Variants in ATF7IP observed in about 807,000 individuals in gnomAD.
ATF7IP encodes activating transcription factor 7-interacting protein 1.
A neutral mutation model predicts 106.4 loss-of-function variants in ATF7IP; 23 were observed. The observed-to-expected ratio is 0.22, with a 90% CI of 0.16 to 0.31. ATF7IP has a LOEUF of 0.31. Among genes scored for constraint, ATF7IP ranks in the 10% least tolerant of loss-of-function variants. The probability of loss-of-function intolerance (pLI) is 1.00; values close to 1 mark genes in which losing one functional copy is unlikely to be tolerated. For missense variants in ATF7IP, 1,334 were observed against 1,524.3 expected, an observed-to-expected ratio of 0.88 and a Z score of 2.08; for synonymous variants, 542 against 539.0, an observed-to-expected ratio of 1.01 and a Z score of -0.08.
chr12:14,395,351 C>T (rs951681233), intron 1 of ATF7IP: 1 of 151,882 alleles, frequency 6.6e-6, no homozygotes, highest in Non-Finnish European at 1.5e-5. Context: ...GTTTTTAGTT[C>T]TAATGAAAAC....
chr12:14,380,889 G>T (rs551711371), intron 1 of ATF7IP, among the ~76,000 whole-genome samples: 1 of 152,278 alleles, frequency 6.6e-6, no homozygotes, highest in Non-Finnish European at 1.5e-5. Flanking sequence ...CAAAGTGCTG[G>T]GATTACAGGC....
At position 14,424,339 on chromosome 12, in the gene ATF7IP, G is replaced by A. The variant is rs767883210; in HGVS notation, c.424G>A (p.Gly142Arg). 31 of 1,614,010 alleles carry A rather than the reference G, an allele frequency of 1.9e-5. 1 individual carries two copies. In the Admixed American group the frequency reaches 2.2e-4, roughly 11 times the overall value. The change falls in exon 2 of 15, where the codon GGA (glycine) becomes AGA (arginine). Residue 142 changes from glycine to arginine, a missense_variant. Around this residue, in one of 10 missense-constraint regions of ATF7IP, gnomAD observed 438 missense variants for 405.3 expected, o/e 1.08. Transcript: ENST00000261168. Reference protein sequence around the residue: ...GDPAPGDLDAGDPASGVLASG... With the variant: ...GDPAPGDLDARDPASGVLASG... ...TCCAGCCCCTGGTGATCTGGATGCC[G>A]GAGATCCAGCCTCCGGAGTACTGGC...
chr12:14,444,457 T>G (rs929530088), intron 5 of ATF7IP, among the ~76,000 whole-genome samples: 1 of 152,158 alleles, frequency 6.6e-6, no homozygotes, highest in Non-Finnish European at 1.5e-5. Context: ...GTTTGTCTAG[T>G]TTCCCAAATA....
rs754942738 is a variant in ATF7IP at position 14,460,491 on chromosome 12, A to G, written c.2159-4A>G. ...AAACTGAGGCTTCTGTTTTCTTTCT[A>G]TAGTATCTTCAACCAATCTTGTCAC... On this transcript the variant is annotated splice_region_variant and splice_polypyrimidine_tract_variant and intron_variant, in intron 8 of 14. Coordinates refer to ENST00000261168, the MANE Select transcript of ATF7IP (RefSeq NM_018179.5). The G allele has an allele frequency of 4.5e-5, 73 of 1,607,826 alleles. 3 individuals carry two copies. The Middle Eastern group carries it at 6.7e-4, about 15-fold the overall frequency.
chr12:14,437,824 C>T (rs1412452882), intron 4 of ATF7IP, among the ~76,000 whole-genome samples: 4 of 152,028 alleles, frequency 2.6e-5, no homozygotes, highest in South Asian at 4.1e-4. Context: ...GAGGCCGAGG[C>T]GGGCGGATCA....
chr12:14,423,296 A>G (rs1028789045), intron 1 of ATF7IP, among the ~76,000 whole-genome samples: 2 of 152,074 alleles, frequency 1.3e-5, no homozygotes, highest in Non-Finnish European at 2.9e-5. Flanking sequence ...ATAAATATAT[A>G]TTCTGTATTC....
chr12:14,415,328 C>T (rs1351957067), intron 1 of ATF7IP, among the ~76,000 whole-genome samples: 1 of 152,176 alleles, frequency 6.6e-6, no homozygotes, highest in Non-Finnish European at 1.5e-5. Flanking sequence ...TTTAAGGTAT[C>T]TTATGTTTTT....
intron 1 of ATF7IP, among the ~76,000 whole-genome samples, chr12:14,397,607 G>GC (rs1282018375): frequency 1.3e-5 from 2 of 151,928 alleles, no homozygotes; most frequent in African/African-American, 2.4e-5. Flanking sequence ...GCTTCTCATA[G>GC]CCCCCCACTT....
At chr12:14,392,222 A>T (rs1358635752) in intron 1 of ATF7IP, among the ~76,000 whole-genome samples, 1 of 146,048 alleles carries the variant, frequency 6.8e-6, no homozygotes, top group Non-Finnish European at 1.5e-5. Context: ...TTTAGCACAG[A>T]TCTTTTTTTT....
intron 5 of ATF7IP, among the ~76,000 whole-genome samples, chr12:14,439,488 T>C (rs1354890367): frequency 6.6e-6 from 1 of 152,228 alleles, no homozygotes; most frequent in Non-Finnish European, 1.5e-5. Context: ...ATTTTATTCA[T>C]TGTTTCTCAT....
At chr12:14,485,749 A>G (rs897047724) in intron 13 of ATF7IP, among the ~76,000 whole-genome samples, 4 of 152,374 alleles carry the variant, frequency 2.6e-5, no homozygotes, top group South Asian at 2.1e-4. Flanking sequence ...CACACCAGGT[A>G]CTAGGAGATG....
chr12:14,385,951 C>G (rs569133517), intron 1 of ATF7IP, among the ~76,000 whole-genome samples: 27 of 152,190 alleles, frequency 1.8e-4, no homozygotes, highest in African/African-American at 6.3e-4. Flanking sequence ...TGCCTCCTCC[C>G]AGTATCCAAC....
Position 14,460,748 on chromosome 12 carries a change from T to G in ATF7IP, c.2412T>G (p.Thr804=). 6.2e-7 allele frequency: 1 copy of G among 1,614,232 alleles called. No individual in the cohort carries two copies. Among genetic ancestry groups the G allele is most frequent in the Non-Finnish European group, 8.5e-7 (1 of 1,180,022 alleles). The part of the protein sequence containing the change: ...QPQLLQSHPG[T]LVTNQPSGNV... ...AGCTTCTACAGAGCCATCCAGGGAC[T>G]TTGGTGACTAATCAACCATCTGGCA... The change falls in exon 9 of 15, where the codon ACT becomes ACG. Residue 804 remains threonine (T), a synonymous_variant. Coordinates refer to ENST00000261168, the MANE Select transcript of ATF7IP (RefSeq NM_018179.5).
intron 10 of ATF7IP, among the ~76,000 whole-genome samples, chr12:14,471,556 A>G (rs553842926): frequency 1.3e-5 from 2 of 152,224 alleles, no homozygotes; most frequent in African/African-American, 4.8e-5. Context: ...TAACTCTTAA[A>G]GAAAAAAGTT....
At chr12:14,448,694 A>G (rs562066935) in intron 6 of ATF7IP, among the ~76,000 whole-genome samples, 1 of 152,292 alleles carries the variant, frequency 6.6e-6, no homozygotes, top group African/African-American at 2.4e-5. Context: ...ACTAGGTTGT[A>G]TGGTAATACT....
rs569403503 is a variant in ATF7IP at position 14,475,725 on chromosome 12, G to A, written c.2863-165G>A. On this transcript the variant is annotated intron_variant, in intron 10 of 14. Transcript: ENST00000261168. ...TAGATGTTTAACACATGAGTATCCT[G>A]GGACATTTGTCTGACAAACTCTCTT... Among the ~76,000 whole-genome samples the A allele has an allele frequency of 5.9e-5, 9 of 152,176 alleles. No individual in the cohort carries two copies. The South Asian group carries it at 1.9e-3, about 32-fold the overall frequency.
At chr12:14,456,320 TTATTA>T (rs903846875) in intron 6 of ATF7IP, among the ~76,000 whole-genome samples, 4 of 150,664 alleles carry the variant, frequency 2.7e-5, no homozygotes, top group South Asian at 2.1e-4. Flanking sequence ...GATGCAGGAA[TTATTA>T]TATTAATCTC....
At chr12:14,377,441 C>A (rs1938796023) in intron 1 of ATF7IP, among the ~76,000 whole-genome samples, 2 of 151,078 alleles carry the variant, frequency 1.3e-5, no homozygotes, top group African/African-American at 4.9e-5. Flanking sequence ...TTGCAAGCTC[C>A]GCCTCCCAGG....
intron 2 of ATF7IP, among the ~76,000 whole-genome samples, chr12:14,432,873 A>G (rs775739969): frequency 8.5e-5 from 13 of 152,246 alleles, no homozygotes; most frequent in African/African-American, 1.9e-4. Context: ...GGAAAATAGA[A>G]GTCAAACATC....
Sources: allele counts gnomAD v4.1 joint callset (sites outside exome capture counted in the v4.1 genomes callset), GRCh38; gene constraint gnomAD v4.1.1; regional missense constraint gnomAD v4.1.1; transcripts MANE v1.5; gene names NCBI Gene and HGNC (gene_info 2026-07-23, HGNC 2026-07-21).